LRP1B: variants seen among roughly 807,000 people sequenced by gnomAD.
LRP1B encodes the protein LDL receptor related protein 1B, also known as low-density lipoprotein receptor-related protein 1B.
In LRP1B, 217 loss-of-function variants were observed where a neutral mutation model predicts 556.6. The ratio of observed to expected loss-of-function variants is 0.39; its 90% confidence interval spans 0.35 to 0.44. The LOEUF (loss-of-function observed/expected upper bound fraction) is 0.44, where lower values mean the gene tolerates loss of function less well. LRP1B is among the 20% of genes least tolerant of loss of function. The pLI is 1.00. For synonymous variants in LRP1B, 2,047 were observed against 1,865.8 expected, an observed-to-expected ratio of 1.10 and a Z score of -2.50; for missense variants, 5,053 against 5,620.8, an observed-to-expected ratio of 0.90 and a Z score of 3.23.
At chr2:140,235,620 T>G (rs2104876210) in intron 89 of LRP1B, among the ~76,000 whole-genome samples, 1 of 151,252 alleles carries the variant, frequency 6.6e-6, no homozygotes, top group Non-Finnish European at 1.5e-5. Context: ...CAATTTTGGT[T>G]ATTCAGTCAT....
At chr2:141,946,200 C>T (rs1700950576) in intron 1 of LRP1B, among the ~76,000 whole-genome samples, 1 of 152,100 alleles carries the variant, frequency 6.6e-6, no homozygotes, top group African/African-American at 2.4e-5. Flanking sequence ...CAAAGTTCTT[C>T]CTGCCTGCTC....
intron 20 of LRP1B, among the ~76,000 whole-genome samples, chr2:140,932,794 G>A (rs551472646): frequency 6.7e-6 from 1 of 150,204 alleles, no homozygotes. Context: ...GGGGAGGATT[G>A]CTTGAGTTCA....
intron 1 of LRP1B, among the ~76,000 whole-genome samples, chr2:142,076,612 T>C (rs987021993): frequency 1.2e-4 from 18 of 152,192 alleles, no homozygotes; most frequent in African/African-American, 4.1e-4. Context: ...CCTGGAAAAC[T>C]GTATAAAACT....
rs1212571497 is a variant in LRP1B at position 140,829,054 on chromosome 2, A to G, written c.5209+10937T>C. Among the ~76,000 whole-genome samples, 16 of 152,156 alleles carry G rather than the reference A, an allele frequency of 1.1e-4. 1 individual carries two copies. The highest frequency in any genetic ancestry group is 1.0e-3 in the Admixed American group (16 of 15,260). On this transcript the variant is annotated intron_variant, in intron 31 of 90. Transcript: ENST00000389484. Reference sequence around the variant, plus strand: ...CAAAGAAGGTCAACATATAATAAAAAAGAGATTAATTCAGTAGTAGGATTT... The same window carrying G: ...CAAAGAAGGTCAACATATAATAAAAGAGAGATTAATTCAGTAGTAGGATTT...
intron 18 of LRP1B, among the ~76,000 whole-genome samples, chr2:140,963,443 T>A (rs1171305812): frequency 6.9e-6 from 1 of 145,562 alleles, no homozygotes; most frequent in Non-Finnish European, 1.6e-5. Context: ...ACATGCATAT[T>A]TATATATATA....
At chr2:140,677,388 G>A (rs1208898241) in intron 41 of LRP1B, among the ~76,000 whole-genome samples, 1 of 152,102 alleles carries the variant, frequency 6.6e-6, no homozygotes, top group Admixed American at 6.6e-5. Context: ...TTTGTTTATA[G>A]TTTTATTTTT....
At chr2:140,361,380 A>ATATATACATATATATATATATATATAT (rs1553454115) in intron 72 of LRP1B, among the ~76,000 whole-genome samples, 1 of 128,810 alleles carries the variant, frequency 7.8e-6, no homozygotes, top group African/African-American at 2.8e-5. Context: ...ATATATATAT[A>ATATATACATATATATATATATATATAT]ACAAAAATAA....
intron 77 of LRP1B, among the ~76,000 whole-genome samples, chr2:140,338,284 G>T (rs1188849841): frequency 6.6e-6 from 1 of 151,712 alleles, no homozygotes; most frequent in African/African-American, 2.4e-5. Context: ...GATTCTCAGA[G>T]AATAATGGCA....
At chr2:141,793,795 G>A (rs745450443) in intron 2 of LRP1B, among the ~76,000 whole-genome samples, 1 of 151,664 alleles carries the variant, frequency 6.6e-6, no homozygotes, top group African/African-American at 2.4e-5. Context: ...AGAATCTGAG[G>A]CACTTCTTTG....
rs781686656 is a variant in LRP1B, at chr2:140,974,933, A to T, written c.2887+7227T>A. On this transcript the variant is annotated intron_variant, in intron 18 of 90. Coordinates refer to ENST00000389484, the MANE Select transcript of LRP1B (RefSeq NM_018557.3). ...TGGTTCCTGAGAAGGCACTGATGAGATGTTTTTTCTGCAAGTGTTCTGGCC... is the reference window on the plus strand; with the variant it reads ...TGGTTCCTGAGAAGGCACTGATGAGTTGTTTTTTCTGCAAGTGTTCTGGCC... 2.3e-4 allele frequency among the ~76,000 whole-genome samples: 35 copies of T among 152,158 alleles called. 1 individual carries two copies. Among genetic ancestry groups the T allele is most frequent in the Non-Finnish European group, 4.1e-4 (28 of 68,028 alleles).
At chr2:140,731,570 C>T (rs986800513) in intron 35 of LRP1B, among the ~76,000 whole-genome samples, 2 of 151,912 alleles carry the variant, frequency 1.3e-5, no homozygotes, top group African/African-American at 4.8e-5. Flanking sequence ...GAGATCGAGA[C>T]CATCCTGGTC....
intron 3 of LRP1B, among the ~76,000 whole-genome samples, chr2:141,337,996 G>A (rs2105509335): frequency 6.6e-6 from 1 of 152,254 alleles, no homozygotes; most frequent in Non-Finnish European, 1.5e-5. Context: ...TTCTATGGAG[G>A]ATGCTGATAT....
chr2:141,848,349 C>T (rs1697726273), intron 1 of LRP1B, among the ~76,000 whole-genome samples: 1 of 151,354 alleles, frequency 6.6e-6, no homozygotes, highest in Admixed American at 6.6e-5. Flanking sequence ...TGCTGGGACA[C>T]AGGCATAAAC....
rs137921437 is a variant in LRP1B at position 140,971,284 on chromosome 2, G to C, written c.2887+10876C>G. ...GGTCACAAAGATGGAGGGAGAGGTT[G>C]AAGTTATGTTGCCCCAAGCCAAGAA... On this transcript the variant is annotated intron_variant, in intron 18 of 90. Transcript: ENST00000389484. 1.4e-3 allele frequency among the ~76,000 whole-genome samples: 210 copies of C among 152,116 alleles called. 1 individual carries two copies. The highest frequency in any genetic ancestry group is 4.9e-3 in the African/African-American group (202 of 41,524).
intron 5 of LRP1B, among the ~76,000 whole-genome samples, chr2:141,237,755 C>G (rs1034701626): frequency 6.6e-6 from 1 of 152,094 alleles, no homozygotes; most frequent in South Asian, 2.1e-4. Context: ...ACATCATGCC[C>G]TCCCCAGCAC....
At chr2:141,639,905 G>T (rs1574178567) in intron 2 of LRP1B, among the ~76,000 whole-genome samples, 1 of 152,238 alleles carries the variant, frequency 6.6e-6, no homozygotes, top group East Asian at 1.9e-4. Flanking sequence ...CCTAAGGCCT[G>T]CCTTGGTAAA....
At chr2:140,769,695 T>C (rs1033345915) in intron 34 of LRP1B, among the ~76,000 whole-genome samples, 6 of 151,956 alleles carry the variant, frequency 3.9e-5, no homozygotes, top group Admixed American at 3.3e-4. Flanking sequence ...AGTTAGATGA[T>C]TTGTGGAAGC....
intron 7 of LRP1B, among the ~76,000 whole-genome samples, chr2:141,175,181 A>G (rs1303795587): frequency 1.3e-5 from 2 of 152,170 alleles, no homozygotes; most frequent in Non-Finnish European, 1.5e-5. Context: ...TAAAAGGGAA[A>G]CAGAACATAG....
intron 2 of LRP1B, among the ~76,000 whole-genome samples, chr2:141,487,233 G>A (rs1459905032): frequency 6.6e-6 from 1 of 152,022 alleles, no homozygotes; most frequent in African/African-American, 2.4e-5. Flanking sequence ...ATTTGCTCAT[G>A]ATTATTATTT....
Sources: allele counts gnomAD v4.1 joint callset (sites outside exome capture counted in the v4.1 genomes callset), GRCh38; gene constraint gnomAD v4.1.1; transcripts MANE v1.5; gene names NCBI Gene and HGNC (gene_info 2026-07-23, HGNC 2026-07-21).